AMPD1: variants seen among roughly 807,000 people sequenced by gnomAD.
The protein encoded by AMPD1 is AMP deaminase 1.
Under a neutral mutation model 82.9 loss-of-function variants are expected in AMPD1, and 74 were observed. That is an observed-to-expected ratio of 0.89 (90% CI 0.74 to 1.08). The LOEUF (loss-of-function observed/expected upper bound fraction) is 1.08. Ranked by LOEUF, AMPD1 falls within the 50% of genes least tolerant of loss-of-function variation. The probability of loss-of-function intolerance (pLI) is 0.00; values close to 1 mark genes in which losing one functional copy is unlikely to be tolerated. For synonymous variants in AMPD1, 333 were observed against 320.5 expected (o/e 1.04, Z -0.42); for missense variants, 881 against 924.5 (o/e 0.95, Z 0.61).
At chr1:114,682,092 A>G (rs1658175369) in intron 5 of AMPD1, among the ~76,000 whole-genome samples, 1 of 152,180 alleles carries the variant, frequency 6.6e-6, no homozygotes, top group Non-Finnish European at 1.5e-5. Context: ...CAGAGCCTTT[A>G]AGAATTCATC....
chr1:114,678,355 A>G lies in AMPD1; in HGVS notation c.1070T>C (p.Val357Ala). 6.2e-7 allele frequency: 1 copy of G among 1,614,206 alleles called. No individual in the cohort carries two copies. The highest frequency in any genetic ancestry group is 8.5e-7 in the Non-Finnish European group (1 of 1,180,032). ...KLKMHPYDLT[V>A]DSLDVHAGRQ... ...TACAGCATGAACATCCAGAGAATCA[A>G]CAGTCAGGTCATAAGGATGCATTTT... Residue 357 changes from valine to alanine, a missense_variant, in exon 8 of 16, where the codon GTT becomes GCT. Val to Ala is a moderately conservative substitution (Grantham distance 64). Coordinates refer to ENST00000520113, the MANE Select transcript of AMPD1 (RefSeq NM_000036.3).
chr1:114,679,356 A>AT lies in AMPD1; in HGVS notation c.897+222dup, dbSNP rs1204070971. Among the ~76,000 whole-genome samples the AT allele has an allele frequency of 2.6e-5, 4 of 152,198 alleles. No homozygotes were observed. The East Asian group carries it at 7.7e-4, about 29-fold the overall frequency. ...ATTTTCGTTGTTGAGGATAACTATA[A>AT]TTTTTTGTGCCAAAAATGTGGCAAA... On this transcript the variant is annotated intron_variant, in intron 7 of 15. Transcript: ENST00000520113.
intron 12 of AMPD1, 165 bp from the exon 13 acceptor site, chr1:114,675,037 CA>C: frequency 4.4e-6 from 4 of 914,160 alleles, no homozygotes; most frequent in Middle Eastern, 3.1e-4. Context: ...ACAAAGTTTC[CA>C]AAAAGAGGCA....
At chr1:114,692,540 C>T (rs1447079279) in intron 2 of AMPD1, among the ~76,000 whole-genome samples, 2 of 151,620 alleles carry the variant, frequency 1.3e-5, no homozygotes, top group African/African-American at 2.4e-5. Flanking sequence ...AAAAATTAGT[C>T]AGATGGGTGG....
chr1:114,691,054 C>T (rs1050872319), intron 2 of AMPD1, among the ~76,000 whole-genome samples: 1 of 152,158 alleles, frequency 6.6e-6, no homozygotes, highest in African/African-American at 2.4e-5. Flanking sequence ...TATTTTAAAA[C>T]AGTATTGTTT....
At chr1:114,684,981 T>A (rs1032440084) in intron 4 of AMPD1, among the ~76,000 whole-genome samples, 2 of 152,210 alleles carry the variant, frequency 1.3e-5, no homozygotes, top group Non-Finnish European at 2.9e-5. Flanking sequence ...TTATTAGAGC[T>A]GCTGGAAATT....
intron 5 of AMPD1, among the ~76,000 whole-genome samples, chr1:114,680,981 A>G (rs1311124313): frequency 6.6e-6 from 1 of 152,202 alleles, no homozygotes; most frequent in Non-Finnish European, 1.5e-5. Flanking sequence ...AAAAAGAAAA[A>G]TAAAATAATA....
Position 114,675,555 on chromosome 1 carries a change from T to C in AMPD1, c.1654A>G (p.Ile552Val). 2 of 1,614,206 alleles carry C rather than the reference T, an allele frequency of 1.2e-6. No homozygotes were observed. Among genetic ancestry groups the C allele is most frequent in the Non-Finnish European group, 1.7e-6 (2 of 1,180,014 alleles). The change falls in exon 12 of 16, where the codon ATC (isoleucine) becomes GTC (valine). Residue 552 changes from isoleucine to valine, a missense_variant. Ile to Val is a conservative substitution (Grantham distance 29). This residue lies in a region of AMPD1 where 783 missense variants were observed against 786.4 expected (regional missense o/e 1.00). Transcript: ENST00000520113. ...TTTCTCAGGCTGTTGAGCACCATGA[T>C]GTTTGCATACATGTAGTAGGCATAG... ...TYYAYYMYAN[I>V]MVLNSLRKER...
chr1:114,679,435 T>C (rs1658088642), intron 7 of AMPD1, 144 bp downstream of exon 7: 1 of 1,198,604 alleles, frequency 8.3e-7, no homozygotes, highest in Non-Finnish European at 1.2e-6. Context: ...CCATTGGACA[T>C]AATCTATTAT....
intron 10 of AMPD1, chr1:114,676,229 T>C (rs1657977890): frequency 2.0e-6 from 1 of 508,724 alleles, no homozygotes; most frequent in African/African-American, 1.9e-5. Context: ...TGTCCCCATC[T>C]TTTTTACAAA....
chr1:114,673,775 A>C, intron 14 of AMPD1, 26 bp from the exon 15 acceptor site: 1 of 1,587,442 alleles, frequency 6.3e-7, no homozygotes, highest in Non-Finnish European at 8.7e-7. Flanking sequence ...ATGAGGAAAA[A>C]AGAGGAGTGA....
chr1:114,684,684 C>A (rs1208547229), intron 4 of AMPD1, among the ~76,000 whole-genome samples: 1 of 152,176 alleles, frequency 6.6e-6, no homozygotes, highest in East Asian at 1.9e-4. Flanking sequence ...AGAATCCATT[C>A]CAACATGGTA....
At chr1:114,675,216 A>G (rs1262203314) in intron 12 of AMPD1, among the ~76,000 whole-genome samples, 1 of 152,180 alleles carries the variant, frequency 6.6e-6, no homozygotes, top group Non-Finnish European at 1.5e-5. Flanking sequence ...ATATTCCTCT[A>G]CTTATTCCTT....
intron 1 of AMPD1, among the ~76,000 whole-genome samples, chr1:114,694,653 G>C (rs1310147415): frequency 6.6e-6 from 1 of 152,022 alleles, no homozygotes; most frequent in African/African-American, 2.4e-5. Context: ...AGATGAGCCT[G>C]GGCAACATAG....
rs770870863 is a variant in AMPD1, at chr1:114,677,504, G to A, written c.1235C>T (p.Ala412Val). The A allele has an allele frequency of 8.7e-6, 14 of 1,613,444 alleles. No individual in the cohort carries two copies. Among genetic ancestry groups the A allele is most frequent in the Middle Eastern group, 1.6e-4 (1 of 6,082 alleles). The change falls in exon 10 of 16, where the codon GCG (alanine) becomes GTG (valine). Residue 412 changes from alanine to valine, a missense_variant. Coordinates refer to ENST00000520113, the MANE Select transcript of AMPD1 (RefSeq NM_000036.3). ...CTGGTACTTGGCCTCCACCAGGTCC[G>A]CACCTACCTCCTGCAAAGCCAAGAG... ...YFATIIKEVG[A>V]DLVEAKYQHA... is the part of the protein sequence containing the mutation.
At position 114,678,343 on chromosome 1, in the gene AMPD1, T is replaced by C; in HGVS notation, c.1082A>G (p.Asp361Gly). The C allele has an allele frequency of 1.7e-5, 28 of 1,614,124 alleles. No homozygotes were observed. The highest frequency in any genetic ancestry group is 2.4e-5 in the Non-Finnish European group (28 of 1,180,020). The change falls in exon 8 of 16, where the codon GAT becomes GGT. Residue 361 changes from aspartate (D) to glycine (G), a missense_variant. Asp to Gly is a moderately conservative substitution (Grantham distance 94). This residue lies in a region of AMPD1 where 783 missense variants were observed against 786.4 expected (regional missense o/e 1.00). Transcript: ENST00000520113. ...GCCGTTTCAACCTACAGCATGAACA[T>C]CCAGAGAATCAACAGTCAGGTCATA... ...HPYDLTVDSL[D>G]VHAGRQTFQR... is the part of the protein sequence containing the mutation.
intron 1 of AMPD1, 128 bp from the exon 2 acceptor site, chr1:114,693,575 T>C: frequency 1.3e-6 from 1 of 792,906 alleles, no homozygotes. Flanking sequence ...TTCCAGCTTG[T>C]CTACAGTTTT....
rs1419616769 is a variant in AMPD1, at chr1:114,680,478, A to G, written c.548T>C (p.Val183Ala). 2 of 1,613,748 alleles carry G rather than the reference A, an allele frequency of 1.2e-6. No homozygotes were observed. The highest frequency in any genetic ancestry group is 2.2e-5 in the East Asian group (1 of 44,878). ...TCCCTTCTTCACAGGAGGAGTAAAGACTTTTTCAATCAAACACAGAGTAAT... is the reference window on the plus strand; with the variant it reads ...TCCCTTCTTCACAGGAGGAGTAAAGGCTTTTTCAATCAAACACAGAGTAAT... ...AWVANESFYP[V>A]FTPPVKKGED... Residue 183 changes from valine to alanine, a missense_variant and splice_region_variant, in exon 6 of 16, where the codon GTC (valine) becomes GCC (alanine). By Grantham distance (64) the Val-to-Ala change is moderately conservative. Transcript: ENST00000520113.
intron 4 of AMPD1, among the ~76,000 whole-genome samples, chr1:114,684,718 G>A (rs867575794): frequency 1.3e-5 from 2 of 152,122 alleles, no homozygotes; most frequent in African/African-American, 2.4e-5. Context: ...TTCTAAGTAC[G>A]TGTGAACATT....
Sources: gnomAD v4.1 joint callset for allele counts (sites outside exome capture counted in the v4.1 genomes callset) on GRCh38, gnomAD v4.1.1 for gene constraint, gnomAD v4.1.1 regional missense constraint, MANE v1.5 for transcripts, NCBI Gene and HGNC (gene_info 2026-07-23, HGNC 2026-07-21) for gene names.